GABRA3: variants seen among roughly 807,000 people sequenced by gnomAD.
The protein encoded by GABRA3 is gamma-aminobutyric acid receptor subunit alpha-3.
In GABRA3, 10 loss-of-function variants were observed where a neutral mutation model predicts 30.1. The observed-to-expected ratio is 0.33, with a 90% confidence interval of 0.20 to 0.56. GABRA3 has a LOEUF of 0.56. GABRA3 is among the 20% of genes least tolerant of loss of function. The pLI is 0.89. For synonymous variants in GABRA3, 151 were observed against 146.8 expected (o/e 1.03, Z -0.21); for missense variants, 233 against 392.0 (o/e 0.59, Z 3.42).
At chrX:152,381,797 G>A (rs970963684) in intron 1 of GABRA3, among the ~76,000 whole-genome samples, 5 of 110,467 alleles carry the variant, frequency 4.5e-5, no homozygotes, top group Non-Finnish European at 7.6e-5. Context: ...GAGAACATGC[G>A]GTGTTTGGCT....
intron 3 of GABRA3, among the ~76,000 whole-genome samples, chrX:152,300,646 G>A (rs1279696889): frequency 6.2e-5 from 7 of 112,147 alleles, no homozygotes; most frequent in Non-Finnish European, 1.3e-4. Flanking sequence ...AAACACGTTC[G>A]AAATGAATGG....
intron 3 of GABRA3, among the ~76,000 whole-genome samples, chrX:152,335,382 A>C (rs1940219020): frequency 9.0e-6 from 1 of 111,662 alleles, no homozygotes; most frequent in South Asian, 3.7e-4. Context: ...ATTTGCAACA[A>C]AGTATGGAGA....
intron 1 of GABRA3, among the ~76,000 whole-genome samples, chrX:152,417,135 G>C (rs1345395654): frequency 3.7e-5 from 4 of 107,536 alleles, no homozygotes; most frequent in Admixed American, 1.0e-4. Flanking sequence ...ATCTGACAAA[G>C]GGCTAATGTC....
chrX:152,310,124 G>T (rs1202553380), intron 3 of GABRA3, among the ~76,000 whole-genome samples: 1 of 106,881 alleles, frequency 9.4e-6, no homozygotes, highest in Admixed American at 9.9e-5. Flanking sequence ...GGAACAGCCA[G>T]ATTCATTAAA....
At position 152,273,710 on chromosome X, in the gene GABRA3, C is replaced by G. The variant is rs189810274; in HGVS notation, c.330+10958G>C. Among the ~76,000 whole-genome samples, 3 of 111,748 alleles carry G rather than the reference C, an allele frequency of 2.7e-5. No homozygotes were observed. In the Admixed American group the frequency reaches 2.9e-4, roughly 11 times the overall value. ...CACAGAAAGACAAATATTGCATATT[C>G]TCACTTACATGTAGGAGCTAAAAAG... On this transcript the variant is annotated intron_variant, in intron 4 of 9. Coordinates refer to ENST00000370314, the MANE Select transcript of GABRA3 (RefSeq NM_000808.4).
intron 1 of GABRA3, among the ~76,000 whole-genome samples, chrX:152,381,886 T>C (rs1350376069): frequency 1.8e-5 from 2 of 111,780 alleles, no homozygotes; most frequent in East Asian, 2.8e-4. Context: ...GAACTTATTG[T>C]TTTTTATGGC....
chrX:152,238,102 C>T (rs1335317294), intron 5 of GABRA3, among the ~76,000 whole-genome samples: 1 of 107,580 alleles, frequency 9.3e-6, no homozygotes, highest in East Asian at 3.0e-4. Context: ...CAGTTTTTGC[C>T]TATTCAGTAT....
At chrX:152,392,202 C>T (rs749640658) in intron 1 of GABRA3, 9 of 383,106 alleles carry the variant, frequency 2.3e-5, no homozygotes, top group Non-Finnish European at 4.2e-5. Context: ...CAGAAGCAGA[C>T]GGCAATGTAG....
intron 5 of GABRA3, chrX:152,251,050 C>G (rs1938544913): frequency 3.4e-6 from 1 of 290,816 alleles, no homozygotes; most frequent in Non-Finnish European, 6.6e-6. Context: ...TAAAAAGAGC[C>G]AGGCTTTTAT....
intron 1 of GABRA3, among the ~76,000 whole-genome samples, chrX:152,395,417 T>G (rs957853718): frequency 8.9e-6 from 1 of 111,774 alleles, no homozygotes; most frequent in African/African-American, 3.3e-5. Flanking sequence ...ATATCTATGA[T>G]GTATACACAG....
chrX:152,270,437 C>A (rs758936533), intron 4 of GABRA3, among the ~76,000 whole-genome samples: 2 of 111,683 alleles, frequency 1.8e-5, no homozygotes, highest in South Asian at 7.5e-4. Context: ...AGTGTGAGAA[C>A]GGACTAATAC....
intron 2 of GABRA3, 75 bp from the exon 3 acceptor site, chrX:152,345,777 T>C: frequency 1.1e-6 from 1 of 949,114 alleles, no homozygotes; most frequent in Non-Finnish European, 1.4e-6. Context: ...GATATCGTAA[T>C]TCAAGATTTC....
intron 1 of GABRA3, among the ~76,000 whole-genome samples, chrX:152,381,078 C>A (rs1174021286): frequency 9.0e-6 from 1 of 111,730 alleles, no homozygotes; most frequent in Non-Finnish European, 1.9e-5. Flanking sequence ...TCCTTTTGCA[C>A]ATGCCGGCTT....
At chrX:152,373,621 A>G (rs1928901759) in intron 1 of GABRA3, among the ~76,000 whole-genome samples, 1 of 110,601 alleles carries the variant, frequency 9.0e-6, no homozygotes, top group Admixed American at 9.6e-5. Flanking sequence ...TTTGATTTGC[A>G]TTTCTTTTTT....
chrX:152,222,251 T>C (rs1937856279), intron 6 of GABRA3, among the ~76,000 whole-genome samples: 1 of 108,482 alleles, frequency 9.2e-6, no homozygotes, highest in African/African-American at 3.4e-5. Context: ...TTTTTACTTG[T>C]TTGTGTATTT....
At chrX:152,226,034 T>A (rs1937946303) in intron 5 of GABRA3, among the ~76,000 whole-genome samples, 1 of 111,090 alleles carries the variant, frequency 9.0e-6, no homozygotes, top group South Asian at 3.8e-4. Context: ...AAAACATGCC[T>A]CACTTCTATG....
At chrX:152,384,822 A>G (rs1324659299) in intron 1 of GABRA3, among the ~76,000 whole-genome samples, 2 of 112,023 alleles carry the variant, frequency 1.8e-5, no homozygotes, top group East Asian at 2.8e-4. Context: ...CAAATACCGA[A>G]TGGTAGACGT....
intron 1 of GABRA3, chrX:152,389,579 C>T (rs749804254): frequency 9.0e-6 from 1 of 111,540 alleles, no homozygotes; most frequent in South Asian, 3.8e-4. Context: ...TTCAAGAACA[C>T]ATCTATGCAG....
At position 152,289,711 on chromosome X, in the gene GABRA3, C is replaced by T. The variant is rs758157901; in HGVS notation, c.263-4976G>A. ...GCCCTGGGATGTGATGTTCCCTGCC[C>T]TGTGTCCAGGTGCTTTCACTGTTAA... On this transcript the variant is annotated intron_variant, in intron 3 of 9. Coordinates refer to ENST00000370314, the MANE Select transcript of GABRA3 (RefSeq NM_000808.4). Among the ~76,000 whole-genome samples, 411 of 109,742 alleles carry T rather than the reference C, an allele frequency of 3.7e-3. 2 individuals are homozygous for T. Among genetic ancestry groups the T allele is most frequent in the African/African-American group, 0.013 (390 of 30,097 alleles).
Sources: allele counts gnomAD v4.1 joint callset (sites outside exome capture counted in the v4.1 genomes callset), GRCh38; gene constraint gnomAD v4.1.1; transcripts MANE v1.5; gene names NCBI Gene and HGNC (gene_info 2026-07-23, HGNC 2026-07-21).